Variants in CANX observed in about 807,000 individuals in gnomAD.
CANX encodes the protein epididymis secretory sperm binding protein.
Under a neutral mutation model 75.7 loss-of-function variants are expected in CANX, and 14 were observed. That is an observed-to-expected ratio of 0.19 (90% CI 0.12 to 0.29). The LOEUF is 0.29. Ranked by LOEUF, CANX falls within the 10% of genes least tolerant of loss-of-function variation. The probability of loss-of-function intolerance (pLI) is 1.00; values close to 1 mark genes in which losing one functional copy is unlikely to be tolerated. For synonymous variants in CANX, 227 were observed against 236.9 expected, an observed-to-expected ratio of 0.96 and a Z score of 0.38; for missense variants, 567 against 713.2, an observed-to-expected ratio of 0.79 and a Z score of 2.34.
In CANX at chr5:179,685,546, CTTTTTTT is replaced by C. The variant is rs1231654880; in HGVS notation, c.-4+6788_-4+6794del. On this transcript the variant is annotated intron_variant, in intron 1 of 14. Transcript: ENST00000681674. ...TACAGGCGTGAGCCACCGCGCCCAG[CTTTTTTT>C]TTTTTTTTTTTTTTTTTTGAGATGG... Among the ~76,000 whole-genome samples, 3 of 61,446 alleles carry C rather than the reference CTTTTTTT, an allele frequency of 4.9e-5. No homozygotes were observed. The East Asian group carries it at 1.5e-3, about 30-fold the overall frequency. The allele number at this position is 61,446 out of a possible 152,430, so 40.3% of individuals were successfully genotyped here.
At chr5:179,711,474 C>G (rs554789416) in intron 7 of CANX, among the ~76,000 whole-genome samples, 17 of 151,642 alleles carry the variant, frequency 1.1e-4, no homozygotes, top group Non-Finnish European at 1.5e-5. Flanking sequence ...AACTGAGGTT[C>G]GAGATAATTT....
chr5:179,694,181 GAAC>G, upstream of CANX: 1 of 265,520 alleles, frequency 3.8e-6, no homozygotes, highest in Non-Finnish European at 7.4e-6. Context: ...GAATGAGAGC[GAAC>G]AATACAGCCA....
In CANX at chr5:179,716,314, C is replaced by T. The variant is rs1487233253; in HGVS notation, c.911+20C>T. On this transcript the variant is annotated intron_variant, in intron 8 of 14. Transcript: ENST00000247461. ...TGACTGGTGAGTCTTGGGGAACTGT[C>T]TTCAAGTGTAAGGGAGCATTTCATA... is the stretch of plus-strand genomic sequence containing the variant. 1 of 1,591,518 alleles carries T rather than the reference C, an allele frequency of 6.3e-7. No individual in the cohort carries two copies.
chr5:179,693,633 CTG>C (rs1458078884), upstream of CANX, among the ~76,000 whole-genome samples: 1 of 151,944 alleles, frequency 6.6e-6, no homozygotes, highest in Admixed American at 6.6e-5. Flanking sequence ...AGATTGTACA[CTG>C]TACTCTAGCC....
chr5:179,693,346 C>T (rs1776334449), intron 1 of CANX, among the ~76,000 whole-genome samples: 1 of 146,886 alleles, frequency 6.8e-6, no homozygotes, highest in Non-Finnish European at 1.5e-5. Context: ...TTGAGACCAG[C>T]CTGGGCAAGA....
At position 179,726,878 on chromosome 5, in the gene CANX, A is replaced by G. The variant is rs1460019333; in HGVS notation, c.1725+119A>G. The G allele has an allele frequency of 1.2e-5, 8 of 673,060 alleles. No individual in the cohort carries two copies. In the East Asian group the frequency reaches 2.1e-4, roughly 18 times the overall value. 41.7% of individuals were successfully genotyped at this position (673,060 alleles called of 1,614,324 possible). On this transcript the variant is annotated intron_variant, in intron 14 of 14. Transcript: ENST00000247461. ...GGCAGTAAAAATTCTGTTAAAGCCA[A>G]TTTTGTTGAAGTGGGATTCTTTGTG...
At chr5:179,721,215 GCACAGGTGTGCT>G (rs1360717917) in intron 10 of CANX, among the ~76,000 whole-genome samples, 164 of 152,034 alleles carry the variant, frequency 1.1e-3, no homozygotes, top group Non-Finnish European at 1.2e-3. Context: ...GTAGCTGGGA[GCACAGGTGTGCT>G]CACAGGTGTG....
intron 8 of CANX, among the ~76,000 whole-genome samples, chr5:179,718,096 C>T (rs896311977): frequency 6.6e-5 from 10 of 152,174 alleles, no homozygotes; most frequent in African/African-American, 2.4e-4. Context: ...CTTCCACTTT[C>T]TGGGGTCAAG....
Position 179,705,076 on chromosome 5 carries a change from C to T in CANX, c.-3-603C>T, listed in dbSNP as rs984569631. Among the ~76,000 whole-genome samples, 4 of 152,066 alleles carry T rather than the reference C, an allele frequency of 2.6e-5. No homozygotes were observed. In the South Asian group the frequency reaches 8.3e-4, roughly 32 times the overall value. ...GGCGTGCTCACTGCAACCTCCACCT[C>T]CTGGGTTCAAGCAGTTCTCCTGACT... On this transcript the variant is annotated intron_variant, in intron 1 of 14. Transcript: ENST00000247461.
At chr5:179,705,924 G>A in intron 2 of CANX, 72 bp downstream of exon 2, 1 of 1,302,064 alleles carries the variant, frequency 7.7e-7, no homozygotes, top group East Asian at 2.3e-5. Flanking sequence ...CCCGGGTGCA[G>A]GGAAATGTAG....
intron 13 of CANX, among the ~76,000 whole-genome samples, chr5:179,725,680 CAAAA>C (rs765657918): frequency 1.2e-4 from 5 of 42,318 alleles, no homozygotes; most frequent in South Asian, 8.1e-4. Flanking sequence ...GACTCTGTCT[CAAAA>C]AAAAAAAAAA....
intron 11 of CANX, 199 bp from the exon 12 acceptor site, chr5:179,723,461 A>C (rs905628011): frequency 3.9e-6 from 2 of 517,952 alleles, no homozygotes; most frequent in African/African-American, 4.0e-5. Flanking sequence ...TGCACCTATG[A>C]GAGTGAAATC....
intron 3 of CANX, among the ~76,000 whole-genome samples, chr5:179,706,833 T>A (rs1777171819): frequency 6.6e-6 from 1 of 152,184 alleles, no homozygotes; most frequent in Admixed American, 6.6e-5. Context: ...TGGTTTTTAC[T>A]TCCACTTCTT....
At position 179,706,245 on chromosome 5, in the gene CANX, G is replaced by A. The variant is rs559179851; in HGVS notation, c.172-13G>A. On this transcript the variant is annotated splice_polypyrimidine_tract_variant and intron_variant, in intron 2 of 14. Coordinates refer to ENST00000247461, the MANE Select transcript of CANX (RefSeq NM_001746.4). Reference sequence around the variant, plus strand: ...AAATTTAAATTTTTAATTCATTTATGTATTTAACACAGGTTACTTACAAAG... The same window carrying A: ...AAATTTAAATTTTTAATTCATTTATATATTTAACACAGGTTACTTACAAAG... The A allele has an allele frequency of 2.8e-6, 4 of 1,427,570 alleles. No individual in the cohort carries two copies. Among genetic ancestry groups the A allele is most frequent in the African/African-American group, 2.8e-5 (2 of 70,528 alleles). The allele number at this position is 1,427,570 out of a possible 1,614,324, so 88.4% of individuals were successfully genotyped here.
chr5:179,698,968 G>T lies in CANX; in HGVS notation c.-138G>T. The T allele has an allele frequency of 8.9e-7, 1 of 1,124,626 alleles. No individual in the cohort carries two copies. Among genetic ancestry groups the T allele is most frequent in the Non-Finnish European group, 1.1e-6 (1 of 911,412 alleles). The allele number at this position is 1,124,626 out of a possible 1,614,324, so 69.7% of individuals were successfully genotyped here. On this transcript the variant is annotated 5_prime_UTR_variant, in exon 1 of 15. Coordinates refer to ENST00000247461, the MANE Select transcript of CANX (RefSeq NM_001746.4). ...TGCGGTGGGGCTCGCTCGCGCGGCA[G>T]CGGTGGCCGAGGCCTCTTGGTTCTG...
chr5:179,690,837 C>T (rs963627177), intron 1 of CANX, among the ~76,000 whole-genome samples: 10 of 151,554 alleles, frequency 6.6e-5, no homozygotes, highest in South Asian at 2.1e-4. Flanking sequence ...TGCAGTGAGC[C>T]GTGATCATGC....
chr5:179,694,202 T>G (rs934580211), upstream of CANX: 2 of 322,048 alleles, frequency 6.2e-6, no homozygotes, highest in Non-Finnish European at 1.2e-5. Flanking sequence ...CCAGGATGGC[T>G]AAAGGTGACC....
exon 1 of CANX, chr5:179,678,777 G>A (rs1210880668): frequency 1.3e-6 from 2 of 1,537,096 alleles, no homozygotes; most frequent in Non-Finnish European, 1.7e-6. Context: ...TGCAGCTTCA[G>A]GTAGTTGTTC....
chr5:179,698,966 C>T (rs1218561013), upstream of CANX: 9 of 1,121,778 alleles, frequency 8.0e-6, no homozygotes, highest in Middle Eastern at 4.1e-4. Context: ...GCTCGCGCGG[C>T]AGCGGTGGCC....
Sources: gnomAD v4.1 joint callset for allele counts (sites outside exome capture counted in the v4.1 genomes callset) on GRCh38, gnomAD v4.1.1 for gene constraint, MANE v1.5 for transcripts, NCBI Gene and HGNC (gene_info 2026-07-23, HGNC 2026-07-21) for gene names.